Variants in GCLC observed in about 807,000 individuals in gnomAD.
The protein encoded by GCLC is glutamate--cysteine ligase catalytic subunit.
Under a neutral mutation model 81.5 loss-of-function variants are expected in GCLC, and 30 were observed. The observed-to-expected ratio is 0.37, with a 90% CI of 0.28 to 0.50. GCLC has a LOEUF of 0.50. Ranked by LOEUF, GCLC falls within the 20% of genes least tolerant of loss-of-function variation. The pLI, the probability that GCLC is intolerant of heterozygous loss-of-function variation, is 0.96. For missense variants in GCLC, 556 were observed against 777.4 expected (o/e 0.72, Z 3.39); for synonymous variants, 262 against 273.3 (o/e 0.96, Z 0.41).
intron 1 of GCLC, among the ~76,000 whole-genome samples, chr6:53,527,923 A>AC (rs2127627567): frequency 6.6e-6 from 1 of 152,262 alleles, no homozygotes; most frequent in South Asian, 2.1e-4. Flanking sequence ...CACTGCATCC[A>AC]CCCCACAGAG....
At chr6:53,508,406 A>G (rs981871261) in intron 8 of GCLC, among the ~76,000 whole-genome samples, 189 bp downstream of exon 8, 2 of 152,220 alleles carry the variant, frequency 1.3e-5, no homozygotes, top group African/African-American at 4.8e-5. Flanking sequence ...TCGGACTACT[A>G]ATTTTAAATG....
chr6:53,508,803 C>T, intron 7 of GCLC, 92 bp from the exon 8 acceptor site: 1 of 836,366 alleles, frequency 1.2e-6, no homozygotes, highest in East Asian at 2.5e-5. Flanking sequence ...GATCAAAAAG[C>T]ATGTTTATGC....
chr6:53,526,240 TG>T (rs1226874284), intron 1 of GCLC, among the ~76,000 whole-genome samples: 2 of 152,040 alleles, frequency 1.3e-5, no homozygotes, highest in Admixed American at 1.3e-4. Flanking sequence ...TAAACAAGGG[TG>T]AGGTACTTTT....
intron 1 of GCLC, among the ~76,000 whole-genome samples, chr6:53,524,428 A>G (rs1763048375): frequency 6.6e-6 from 1 of 152,242 alleles, no homozygotes; most frequent in Admixed American, 6.5e-5. Context: ...AACTATCTCA[A>G]ATTGATTATG....
Position 53,498,667 on chromosome 6 carries a change from T to G in GCLC, c.*89A>C, listed in dbSNP as rs1764426903. ...CCAGAAAACAGTACAGTTCTATCATTTGGTCTTCATATTATACACACGGGC... is the reference window on the plus strand; with the variant it reads ...CCAGAAAACAGTACAGTTCTATCATGTGGTCTTCATATTATACACACGGGC... On this transcript the variant is annotated 3_prime_UTR_variant, in exon 16 of 16. Coordinates refer to ENST00000650454, the MANE Select transcript of GCLC (RefSeq NM_001498.4). The G allele has an allele frequency of 1.2e-6, 1 of 845,820 alleles. No individual in the cohort carries two copies. The highest frequency in any genetic ancestry group is 2.0e-6 in the Non-Finnish European group (1 of 491,732). 52.4% of individuals were successfully genotyped at this position (845,820 alleles called of 1,614,324 possible).
chr6:53,537,299 T>C (rs1763272373), intron 1 of GCLC, among the ~76,000 whole-genome samples: 1 of 152,190 alleles, frequency 6.6e-6, no homozygotes, highest in Non-Finnish European at 1.5e-5. Flanking sequence ...TAACGGACAA[T>C]AAATGCTGTT....
chr6:53,541,710 G>A (rs1487102455), intron 1 of GCLC, among the ~76,000 whole-genome samples: 1 of 152,142 alleles, frequency 6.6e-6, no homozygotes, highest in Non-Finnish European at 1.5e-5. Flanking sequence ...GGTAAAAGCA[G>A]CATTTCAAAT....
At chr6:53,504,221 C>CT (rs3063831) in intron 12 of GCLC, among the ~76,000 whole-genome samples, 12 of 149,894 alleles carry the variant, frequency 8.0e-5, no homozygotes, top group East Asian at 3.9e-4. Context: ...TTTCCAGTTG[C>CT]TTTTTTTTTT....
intron 12 of GCLC, among the ~76,000 whole-genome samples, chr6:53,504,504 G>A (rs1285834326): frequency 6.6e-6 from 1 of 152,160 alleles, no homozygotes; most frequent in Non-Finnish European, 1.5e-5. Context: ...TAGCTTACAT[G>A]GAATCTCTCT....
In GCLC at chr6:53,497,490, GAACA is replaced by G. The variant is rs1469851257; in HGVS notation, c.*1262_*1265del. 6.6e-6 allele frequency: 1 copy of G among 152,078 alleles called. No homozygotes were observed. Among genetic ancestry groups the G allele is most frequent in the Non-Finnish European group, 1.5e-5 (1 of 67,992 alleles). 9.4% of individuals were successfully genotyped at this position (152,078 alleles called of 1,614,324 possible). ...ATCCAAAATGCATGTATAAAATATA[GAACA>G]AACCCTAGTATTTAAACATAAACAG... On this transcript the variant is annotated 3_prime_UTR_variant, in exon 16 of 16. Transcript: ENST00000650454.
intron 12 of GCLC, among the ~76,000 whole-genome samples, chr6:53,504,060 G>A (rs1202970731): frequency 6.6e-6 from 1 of 152,202 alleles, no homozygotes. Flanking sequence ...GCTGAGCATG[G>A]TGGTTTGTGT....
intron 1 of GCLC, among the ~76,000 whole-genome samples, chr6:53,536,248 A>C (rs1763255337): frequency 6.6e-6 from 1 of 152,232 alleles, no homozygotes; most frequent in Non-Finnish European, 1.5e-5. Flanking sequence ...TGATTTCTTA[A>C]ATATGAAAAT....
chr6:53,536,504 T>C (rs1184335345), intron 1 of GCLC, among the ~76,000 whole-genome samples: 2 of 152,216 alleles, frequency 1.3e-5, no homozygotes, highest in Admixed American at 6.5e-5. Flanking sequence ...GATTATATCA[T>C]GAAATGTAGA....
chr6:53,533,085 A>C (rs1405202980), intron 1 of GCLC, among the ~76,000 whole-genome samples: 1 of 152,174 alleles, frequency 6.6e-6, no homozygotes, highest in Non-Finnish European at 1.5e-5. Context: ...TGTCTTTTTA[A>C]ACCATGTCTG....
At chr6:53,509,694 G>T (rs1298419102) in intron 6 of GCLC, 1 of 220,150 alleles carries the variant, frequency 4.5e-6, no homozygotes, top group African/African-American at 2.4e-5. Context: ...TGTCGCCCAG[G>T]CTGGGGTGCA....
intron 1 of GCLC, among the ~76,000 whole-genome samples, chr6:53,528,963 A>G (rs1156947810): frequency 6.6e-6 from 1 of 152,140 alleles, no homozygotes; most frequent in African/African-American, 2.4e-5. Context: ...AACTGGGAGG[A>G]CTCTCATACA....
In GCLC at chr6:53,515,915, C is replaced by T. The variant is rs553822; in HGVS notation, c.560+194G>A. 0.65 allele frequency among the ~76,000 whole-genome samples: 99,528 copies of T among 151,976 alleles called. 33,337 individuals carry two copies. Among genetic ancestry groups the T allele is most frequent in the African/African-American group, 0.79 (32,613 of 41,472 alleles). ...GAATTGACAAATCAAGCCTGGTGCA[C>T]GCATCAACAACCAAGAAGCCTGGGG... On this transcript the variant is annotated intron_variant, in intron 4 of 15. Transcript: ENST00000650454.
intron 1 of GCLC, among the ~76,000 whole-genome samples, chr6:53,539,294 C>T (rs1763312054): frequency 6.6e-6 from 1 of 152,216 alleles, no homozygotes; most frequent in Non-Finnish European, 1.5e-5. Flanking sequence ...AGAGTTGGAA[C>T]TTCTGTTTCC....
intron 1 of GCLC, among the ~76,000 whole-genome samples, chr6:53,537,017 A>C (rs1735166146): frequency 6.6e-6 from 1 of 152,248 alleles, no homozygotes; most frequent in South Asian, 2.1e-4. Flanking sequence ...TATTCACTGC[A>C]TTTACAACAC....
Sources: allele counts gnomAD v4.1 joint callset (sites outside exome capture counted in the v4.1 genomes callset), GRCh38; gene constraint gnomAD v4.1.1; transcripts MANE v1.5; gene names NCBI Gene and HGNC (gene_info 2026-07-23, HGNC 2026-07-21).